ATXN1: variants seen among roughly 807,000 people sequenced by gnomAD.
ATXN1 encodes ataxin-1.
Under a neutral mutation model 56.4 loss-of-function variants are expected in ATXN1, and 8 were observed. That is an observed-to-expected ratio of 0.14 (90% confidence interval 0.08 to 0.26). ATXN1 has a LOEUF of 0.26. ATXN1 is among the 10% of genes least tolerant of loss of function. The pLI is 1.00. For synonymous variants in ATXN1, 514 were observed against 494.6 expected (o/e 1.04, Z -0.52); for missense variants, 987 against 1,106.5 (o/e 0.89, Z 1.53).
intron 6 of ATXN1, among the ~76,000 whole-genome samples, chr6:16,456,698 G>A (rs184204789): frequency 1.3e-3 from 202 of 152,168 alleles, no homozygotes; most frequent in Non-Finnish European, 1.7e-3. Context: ...ACTTTCTCCC[G>A]CCTCTCTTCT....
At chr6:16,658,938 G>C (rs1423337932) in intron 2 of ATXN1, among the ~76,000 whole-genome samples, 1 of 152,254 alleles carries the variant, frequency 6.6e-6, no homozygotes, top group African/African-American at 2.4e-5. Flanking sequence ...TTGTAAGAAA[G>C]AGGATATGCT....
chr6:16,616,234 C>T (rs1763206384), intron 3 of ATXN1: 1 of 152,076 alleles, frequency 6.6e-6, no homozygotes, highest in Non-Finnish European at 1.5e-5. Flanking sequence ...GACTCTAGAA[C>T]TGAGATCAAT....
chr6:16,458,328 C>G (rs1340601852), intron 6 of ATXN1, among the ~76,000 whole-genome samples: 1 of 152,132 alleles, frequency 6.6e-6, no homozygotes, highest in Non-Finnish European at 1.5e-5. Context: ...TCAATGATGT[C>G]CACCATAACT....
intron 2 of ATXN1, among the ~76,000 whole-genome samples, chr6:16,692,679 T>C (rs113335568): frequency 0.018 from 2,775 of 152,224 alleles, 33 homozygotes; most frequent in Middle Eastern, 0.027. Context: ...AGCAACCACT[T>C]TCTAAAACAT....
intron 6 of ATXN1, among the ~76,000 whole-genome samples, chr6:16,365,130 T>C (rs1348978141): frequency 6.6e-6 from 1 of 152,188 alleles, no homozygotes; most frequent in African/African-American, 2.4e-5. Flanking sequence ...TACATATGTA[T>C]ACATGTGCCA....
chr6:16,708,514 T>C (rs1477416161), intron 2 of ATXN1, among the ~76,000 whole-genome samples: 1 of 152,150 alleles, frequency 6.6e-6, no homozygotes, highest in Non-Finnish European at 1.5e-5. Context: ...AATTAAAACA[T>C]AAGGGCTCAT....
In ATXN1 at chr6:16,687,515, G is replaced by GA. The variant is rs533469613; in HGVS notation, c.-614-29615dup. Among the ~76,000 whole-genome samples, 341 of 145,234 alleles carry GA rather than the reference G, an allele frequency of 2.3e-3. 1 individual carries two copies. The highest frequency in any genetic ancestry group is 7.4e-3 in the East Asian group (37 of 4,984). On this transcript the variant is annotated intron_variant, in intron 2 of 7. Transcript: ENST00000436367. ...CAAAGTGCCTTGTGTCCGCAAGAGG[G>GA]AAAAAAAAAAACTTTAGAGAGATTA...
At chr6:16,742,790 C>A (rs13190752) in intron 2 of ATXN1, among the ~76,000 whole-genome samples, 3 of 152,164 alleles carry the variant, frequency 2.0e-5, no homozygotes, top group Non-Finnish European at 2.9e-5. Flanking sequence ...TCATACTTGA[C>A]GAGCAGGGTT....
chr6:16,660,518 A>T (rs1207628935), intron 2 of ATXN1, among the ~76,000 whole-genome samples: 1 of 152,204 alleles, frequency 6.6e-6, no homozygotes, highest in Non-Finnish European at 1.5e-5. Context: ...TTTAGTCTTA[A>T]TGTTGTAGCT....
At chr6:16,408,890 G>A (rs899434405) in intron 6 of ATXN1, among the ~76,000 whole-genome samples, 1 of 152,206 alleles carries the variant, frequency 6.6e-6, no homozygotes, top group Non-Finnish European at 1.5e-5. Context: ...ACATGGATGA[G>A]CCATCATGCT....
intron 2 of ATXN1, among the ~76,000 whole-genome samples, chr6:16,722,604 A>C (rs1759766960): frequency 6.6e-6 from 1 of 152,230 alleles, no homozygotes; most frequent in Non-Finnish European, 1.5e-5. Context: ...ACTCACAGTA[A>C]ATAACGATAA....
At chr6:16,582,409 TAATA>T (rs1762546337) in intron 4 of ATXN1, among the ~76,000 whole-genome samples, 1 of 152,174 alleles carries the variant, frequency 6.6e-6, no homozygotes, top group Non-Finnish European at 1.5e-5. Context: ...TTTGCTAAAT[TAATA>T]AATGAGTGAG....
chr6:16,748,848 CA>C lies in ATXN1; in HGVS notation c.-615+4384del, dbSNP rs370315269. The stretch of plus-strand genomic sequence containing the variant: ...GAGCCCATCCTAACTAACTCAGCAC[CA>C]AAAAAAAAAACCACAACTTAATCCT... On this transcript the variant is annotated intron_variant, in intron 2 of 7. Coordinates refer to ENST00000436367, the MANE Select transcript of ATXN1 (RefSeq NM_001128164.2). Among the ~76,000 whole-genome samples the C allele has an allele frequency of 5.3e-3, 764 of 143,106 alleles. 5 individuals are homozygous for C. Among genetic ancestry groups the C allele is most frequent in the African/African-American group, 0.018 (703 of 39,258 alleles). The allele number at this position is 143,106 out of a possible 152,430, so 93.9% of individuals were successfully genotyped here. A position where few individuals can be genotyped will look rare whatever the true frequency, so the allele number is the denominator to read the frequency against.
intron 1 of ATXN1, among the ~76,000 whole-genome samples, chr6:16,754,385 A>C (rs541631722): frequency 3.3e-5 from 5 of 152,318 alleles, no homozygotes; most frequent in Non-Finnish European, 7.3e-5. Context: ...AGGAAGAAGG[A>C]GGCCCAGGTT....
chr6:16,469,522 C>T (rs1760174730), intron 6 of ATXN1, among the ~76,000 whole-genome samples: 1 of 152,198 alleles, frequency 6.6e-6, no homozygotes, highest in Admixed American at 6.5e-5. Flanking sequence ...AGTAGCATTT[C>T]AGGCCTCAGG....
intron 6 of ATXN1, among the ~76,000 whole-genome samples, chr6:16,421,330 G>C (rs530382650): frequency 6.7e-6 from 1 of 148,592 alleles, no homozygotes; most frequent in East Asian, 1.9e-4. Flanking sequence ...TTTAACAGTA[G>C]AAAGGACACA....
intron 6 of ATXN1, among the ~76,000 whole-genome samples, chr6:16,428,307 C>G (rs548019677): frequency 1.3e-5 from 2 of 151,818 alleles, no homozygotes; most frequent in Admixed American, 6.6e-5. Context: ...TTAGTTGCGA[C>G]GGGGTTTCAC....
intron 4 of ATXN1, among the ~76,000 whole-genome samples, chr6:16,569,528 GA>G (rs60416047): frequency 1.3e-3 from 127 of 96,384 alleles, no homozygotes; most frequent in Middle Eastern, 0.012. Flanking sequence ...CTCCGTCTCA[GA>G]AAAAAAAAAA....
At chr6:16,541,631 G>A (rs1339690001) in intron 4 of ATXN1, among the ~76,000 whole-genome samples, 1 of 152,182 alleles carries the variant, frequency 6.6e-6, no homozygotes, top group Non-Finnish European at 1.5e-5. Flanking sequence ...CACAGTGGTG[G>A]AAAAGCTGGC....
Sources: gnomAD v4.1 joint callset for allele counts (sites outside exome capture counted in the v4.1 genomes callset) on GRCh38, gnomAD v4.1.1 for gene constraint, MANE v1.5 for transcripts, NCBI Gene and HGNC (gene_info 2026-07-23, HGNC 2026-07-21) for gene names.